CACNA2D3: variants seen among roughly 807,000 people sequenced by gnomAD.
CACNA2D3 encodes the protein voltage-dependent calcium channel subunit alpha-2/delta-3.
In CACNA2D3, 60 loss-of-function variants were observed where a neutral mutation model predicts 160.6. The observed-to-expected ratio is 0.37, with a 90% confidence interval of 0.30 to 0.46. The LOEUF (loss-of-function observed/expected upper bound fraction) is 0.46. Ranked by LOEUF, CACNA2D3 falls within the 20% of genes least tolerant of loss-of-function variation. CACNA2D3 has a pLI of 1.00. For synonymous variants in CACNA2D3, 558 were observed against 492.9 expected, an observed-to-expected ratio of 1.13 and a Z score of -1.75; for missense variants, 1,205 against 1,365.0, an observed-to-expected ratio of 0.88 and a Z score of 1.85.
At position 55,037,937 on chromosome 3, in the gene CACNA2D3, G is replaced by A. The variant is rs540925001; in HGVS notation, c.2987+19620G>A. ...AAGACAGATACTGCAGTGAGCACCA[G>A]CGATTAAAAATCGGATAAACTGGGG... On this transcript the variant is annotated intron_variant, in intron 35 of 37. Transcript: ENST00000474759. 2.6e-5 allele frequency among the ~76,000 whole-genome samples: 4 copies of A among 152,338 alleles called. No individual in the cohort carries two copies. In the East Asian group the frequency reaches 5.8e-4, roughly 22 times the overall value.
At chr3:54,920,862 C>G (rs1395632387) in intron 27 of CACNA2D3, among the ~76,000 whole-genome samples, 4 of 152,146 alleles carry the variant, frequency 2.6e-5, no homozygotes. Flanking sequence ...CTGTGTTTCT[C>G]CAGTTCCAGA....
intron 4 of CACNA2D3, among the ~76,000 whole-genome samples, chr3:54,468,983 G>A (rs1700680766): frequency 6.6e-6 from 1 of 152,102 alleles, no homozygotes; most frequent in Non-Finnish European, 1.5e-5. Flanking sequence ...GGGGGATGGG[G>A]TGGCTGTGGG....
intron 9 of CACNA2D3, among the ~76,000 whole-genome samples, chr3:54,592,596 G>C (rs1702881800): frequency 6.6e-6 from 1 of 152,126 alleles, no homozygotes; most frequent in Non-Finnish European, 1.5e-5. Context: ...TGAACCTCCT[G>C]TGGTCTGTCT....
intron 16 of CACNA2D3, among the ~76,000 whole-genome samples, chr3:54,845,166 G>GA (rs3836396): frequency 0.79 from 120,341 of 152,144 alleles, 48,287 homozygotes; most frequent in African/African-American, 0.92. Context: ...GTAACTCCAG[G>GA]GAAGACGTCT....
At chr3:54,704,060 G>A (rs2106952122) in intron 11 of CACNA2D3, among the ~76,000 whole-genome samples, 1 of 152,334 alleles carries the variant, frequency 6.6e-6, no homozygotes, top group African/African-American at 2.4e-5. Context: ...TCATAGAAAT[G>A]TCAAATCTGG....
chr3:54,233,745 G>A (rs540085868), intron 2 of CACNA2D3, among the ~76,000 whole-genome samples: 10 of 152,312 alleles, frequency 6.6e-5, no homozygotes, highest in East Asian at 1.9e-4. Context: ...TTCACAGGTC[G>A]AAGAGAAGTT....
At chr3:54,141,273 C>G (rs969880885) in intron 2 of CACNA2D3, among the ~76,000 whole-genome samples, 3 of 152,056 alleles carry the variant, frequency 2.0e-5, no homozygotes, top group Admixed American at 6.6e-5. Context: ...CCTAGGAAGT[C>G]GAAACAGCCC....
At chr3:54,951,644 C>T (rs1353187189) in intron 27 of CACNA2D3, among the ~76,000 whole-genome samples, 1 of 151,044 alleles carries the variant, frequency 6.6e-6, no homozygotes, top group Non-Finnish European at 1.5e-5. Context: ...GTGCAGGGCT[C>T]CAGTCCCAGT....
chr3:54,209,237 C>T (rs373333402), intron 2 of CACNA2D3, among the ~76,000 whole-genome samples: 7 of 152,254 alleles, frequency 4.6e-5, no homozygotes, highest in Admixed American at 1.3e-4. Flanking sequence ...AGATAGGCAT[C>T]GAAATAATTG....
chr3:54,866,340 C>A (rs1050141068), intron 17 of CACNA2D3, among the ~76,000 whole-genome samples: 10 of 152,128 alleles, frequency 6.6e-5, no homozygotes, highest in African/African-American at 1.9e-4. Context: ...GTCCCTTGAG[C>A]CTTGGGGAGG....
At chr3:54,532,752 C>CA (rs1281077863) in intron 5 of CACNA2D3, among the ~76,000 whole-genome samples, 1 of 152,172 alleles carries the variant, frequency 6.6e-6, no homozygotes, top group Non-Finnish European at 1.5e-5. Flanking sequence ...AATAGTGCTG[C>CA]AATAAACATT....
chr3:54,327,045 A>G (rs1317204779), intron 3 of CACNA2D3, among the ~76,000 whole-genome samples: 1 of 152,210 alleles, frequency 6.6e-6, no homozygotes, highest in Non-Finnish European at 1.5e-5. Context: ...AAAGAGCAAC[A>G]ATCTGTATTC....
chr3:54,961,930 C>T (rs56948995), intron 27 of CACNA2D3, among the ~76,000 whole-genome samples: 1,758 of 152,148 alleles, frequency 0.012, 29 homozygotes, highest in African/African-American at 0.04. Flanking sequence ...GAGGGACTTG[C>T]TGGTGGGGGC....
At chr3:54,350,968 G>GTTTTTTTTTGTTTT (rs1698543383) in intron 3 of CACNA2D3, among the ~76,000 whole-genome samples, 1 of 56,106 alleles carries the variant, frequency 1.8e-5, no homozygotes, top group Non-Finnish European at 3.5e-5. Context: ...TCTTGAGTCT[G>GTTTTTTTTTGTTTT]TTTTTTTTTT....
rs141917401 is a variant in CACNA2D3, at chr3:54,229,615, A to G, written c.205-90827A>G. Among the ~76,000 whole-genome samples the G allele has an allele frequency of 3.7e-3, 556 of 152,162 alleles. 6 individuals are homozygous for G. The highest frequency in any genetic ancestry group is 0.012 in the African/African-American group (519 of 41,528). ...CTCCGAAAGCGCTGGGATTATAGGC[A>G]TGAATCACCATGCCCGGCCTAAAGT... On this transcript the variant is annotated intron_variant, in intron 2 of 37. Transcript: ENST00000474759.
intron 29 of CACNA2D3, among the ~76,000 whole-genome samples, chr3:54,980,477 G>A (rs1702482947): frequency 6.6e-6 from 1 of 152,164 alleles, no homozygotes; most frequent in South Asian, 2.1e-4. Flanking sequence ...AATCTAGGCA[G>A]AAAAAATCCA....
intron 11 of CACNA2D3, among the ~76,000 whole-genome samples, chr3:54,677,872 A>C (rs1211417262): frequency 6.6e-6 from 1 of 152,138 alleles, no homozygotes; most frequent in African/African-American, 2.4e-5. Flanking sequence ...TACTCATCAG[A>C]GACAAAGAAA....
chr3:54,993,109 C>G (rs1702778626), intron 31 of CACNA2D3, among the ~76,000 whole-genome samples: 1 of 152,194 alleles, frequency 6.6e-6, no homozygotes. Flanking sequence ...AATCTCGGCC[C>G]CACCTCCAGC....
intron 2 of CACNA2D3, among the ~76,000 whole-genome samples, chr3:54,193,966 G>T (rs1242201059): frequency 6.6e-6 from 1 of 152,150 alleles, no homozygotes; most frequent in African/African-American, 2.4e-5. Context: ...AAACATGGAA[G>T]CTGTCAGAAA....
Sources: gnomAD v4.1 joint callset for allele counts (sites outside exome capture counted in the v4.1 genomes callset) on GRCh38, gnomAD v4.1.1 for gene constraint, MANE v1.5 for transcripts, NCBI Gene and HGNC (gene_info 2026-07-23, HGNC 2026-07-21) for gene names.